Variants in DGKD observed in about 807,000 individuals in gnomAD.
DGKD encodes diacylglycerol kinase delta.
DGKD carries 68 observed loss-of-function variants against 154.4 expected under a neutral mutation model. That is an observed-to-expected ratio of 0.44 (90% confidence interval 0.36 to 0.54). The LOEUF (loss-of-function observed/expected upper bound fraction) is 0.54, where lower values mean the gene tolerates loss of function less well. Among genes scored for constraint, DGKD ranks in the 20% least tolerant of loss-of-function variants. DGKD has a pLI of 0.00. For missense variants in DGKD, 1,343 were observed against 1,593.6 expected, an observed-to-expected ratio of 0.84 and a Z score of 2.68; for synonymous variants, 693 against 638.0, an observed-to-expected ratio of 1.09 and a Z score of -1.30.
chr2:233,430,587 G>A (rs536722156), intron 3 of DGKD, among the ~76,000 whole-genome samples: 15 of 152,134 alleles, frequency 9.9e-5, no homozygotes, highest in Non-Finnish European at 1.9e-4. Flanking sequence ...CAGCCTATGG[G>A]AACCAAGATA....
chr2:233,355,887 CT>C (rs1213476758), intron 1 of DGKD, among the ~76,000 whole-genome samples: 1 of 152,174 alleles, frequency 6.6e-6, no homozygotes, highest in Non-Finnish European at 1.5e-5. Flanking sequence ...TCATCTCCGT[CT>C]TTTGGAATTG....
At position 233,469,435 on chromosome 2, in the gene DGKD, G is replaced by A. The variant is rs767467406; in HGVS notation, c.3620G>A (p.Arg1207His). The change falls in exon 30 of 30, where the codon CGC becomes CAC. Residue 1207 changes from arginine to histidine, a missense_variant. Physicochemically the swap from Arg to His is conservative, Grantham distance 29. Around this residue, in one of 6 missense-constraint regions of DGKD, gnomAD observed 429 missense variants for 496.3 expected, o/e 0.86. Transcript: ENST00000264057. ...RILCGIKELS[R>H]SAPAVEA ...CTGTGTGGCATCAAGGAGCTGAGCC[G>A]CAGCGCCCCCGCCGTCGAGGCCTAG... is the stretch of plus-strand genomic sequence containing the variant. 8.7e-6 allele frequency: 14 copies of A among 1,602,842 alleles called. No homozygotes were observed. Among genetic ancestry groups the A allele is most frequent in the South Asian group, 6.7e-5 (6 of 89,312 alleles).
At chr2:233,461,843 C>T (rs926468082) in intron 24 of DGKD, among the ~76,000 whole-genome samples, 3 of 152,254 alleles carry the variant, frequency 2.0e-5, no homozygotes, top group African/African-American at 7.2e-5. Context: ...CTCCCTGGGA[C>T]CTGGTGTGAC....
In DGKD at chr2:233,460,355, T is replaced by C. The variant is rs1341295822; in HGVS notation, c.2981+10T>C. 1 of 1,613,658 alleles carries C rather than the reference T, an allele frequency of 6.2e-7. No individual in the cohort carries two copies. Among genetic ancestry groups the C allele is most frequent in the Non-Finnish European group, 8.5e-7 (1 of 1,179,812 alleles). The stretch of plus-strand genomic sequence containing the variant: ...GGGTCCTCATTCACAGGTGGGCTCC[T>C]ACCCCTCTGCGTTGCGCATGAGCCT... On this transcript the variant is annotated intron_variant, in intron 24 of 29. Coordinates refer to ENST00000264057, the MANE Select transcript of DGKD (RefSeq NM_152879.3).
At chr2:233,358,133 A>C (rs578247713) in intron 1 of DGKD, among the ~76,000 whole-genome samples, 16 of 152,350 alleles carry the variant, frequency 1.1e-4, no homozygotes, top group African/African-American at 3.6e-4. Flanking sequence ...ACTACAGTAC[A>C]CAGTAATGAC....
chr2:233,398,706 C>T (rs2061484419), intron 3 of DGKD, among the ~76,000 whole-genome samples: 1 of 152,220 alleles, frequency 6.6e-6, no homozygotes, highest in Non-Finnish European at 1.5e-5. Flanking sequence ...CTCACTGCAA[C>T]TTCCACCTTC....
chr2:233,420,092 G>A (rs1003767712), intron 3 of DGKD, among the ~76,000 whole-genome samples: 8 of 152,100 alleles, frequency 5.3e-5, no homozygotes, highest in South Asian at 2.1e-4. Flanking sequence ...CGTGGCAGTC[G>A]GCAGGGGCCT....
At chr2:233,464,306 C>T (rs1045535012) in intron 27 of DGKD, 23 bp downstream of exon 27, 9 of 1,609,936 alleles carry the variant, frequency 5.6e-6, no homozygotes, top group Admixed American at 1.7e-5. Flanking sequence ...TAGGGCTGTG[C>T]CTGGGTCTCC....
chr2:233,457,037 C>A lies in DGKD; in HGVS notation c.2472+42C>A, dbSNP rs2063483147. ...TTGTCACCTGCAGGCTGGCCTCCAT[C>A]CATCAGCAGACTGCCAGGCCTATTG... On this transcript the variant is annotated intron_variant, in intron 20 of 29. Transcript: ENST00000264057. This position sits in a 1 kb window ranked among gnomAD's most constrained non-coding sequence, Gnocchi z 5.5. 2.0e-6 allele frequency: 3 copies of A among 1,516,836 alleles called. No homozygotes were observed. The African/African-American group carries it at 4.1e-5, about 21-fold the overall frequency. 94.0% of individuals were successfully genotyped at this position (1,516,836 alleles called of 1,614,324 possible). A position where few individuals can be genotyped will look rare whatever the true frequency, so the allele number is the denominator to read the frequency against.
intron 1 of DGKD, among the ~76,000 whole-genome samples, chr2:233,360,484 C>T (rs1032292740): frequency 1.3e-5 from 2 of 152,100 alleles, no homozygotes; most frequent in Admixed American, 6.5e-5. Flanking sequence ...TCTCAAACTC[C>T]TGGGCTCAAG....
intron 3 of DGKD, among the ~76,000 whole-genome samples, chr2:233,400,735 C>T (rs748693067): frequency 3.9e-5 from 6 of 152,180 alleles, no homozygotes; most frequent in Non-Finnish European, 7.3e-5. Flanking sequence ...GCTGCTTGCA[C>T]AGCTGGAGGG....
intron 3 of DGKD, among the ~76,000 whole-genome samples, chr2:233,432,132 C>T (rs2062535555): frequency 6.9e-6 from 1 of 144,862 alleles, no homozygotes; most frequent in African/African-American, 2.9e-5. Context: ...TGGCTCATGC[C>T]TGTAATCCCA....
chr2:233,394,690 CCTTTTTTTTTTTTTTTTTT>C (rs1416982070), intron 3 of DGKD, among the ~76,000 whole-genome samples: 4 of 83,258 alleles, frequency 4.8e-5, no homozygotes, highest in African/African-American at 1.8e-4. Flanking sequence ...AATTTAATTC[CCTTTTTTTTTTTTTTTTTT>C]TTTTTTTTTT....
intron 1 of DGKD, among the ~76,000 whole-genome samples, chr2:233,363,358 A>G (rs1017220784): frequency 6.6e-6 from 1 of 152,206 alleles, no homozygotes; most frequent in Non-Finnish European, 1.5e-5. Flanking sequence ...AATTAAAAAT[A>G]GAAAAAAGGT....
chr2:233,422,595 C>G (rs999497563), intron 3 of DGKD, among the ~76,000 whole-genome samples: 1 of 152,218 alleles, frequency 6.6e-6, no homozygotes, highest in Non-Finnish European at 1.5e-5. Flanking sequence ...ATGGGTTGCA[C>G]TAACTACAAA....
intron 12 of DGKD, 151 bp downstream of exon 12, chr2:233,446,947 T>G: frequency 1.1e-6 from 1 of 882,258 alleles, no homozygotes; most frequent in Non-Finnish European, 1.7e-6. Flanking sequence ...GGTGAACCCA[T>G]GGCTGAGAGG....
chr2:233,368,926 C>T (rs997153568), intron 1 of DGKD, among the ~76,000 whole-genome samples: 4 of 152,150 alleles, frequency 2.6e-5, no homozygotes, highest in African/African-American at 9.7e-5. Context: ...GTCCTGTGGC[C>T]GAGGCTGCCA....
chr2:233,445,575 C>A lies in DGKD; in HGVS notation c.1195-48C>A, dbSNP rs1000244544. The A allele has an allele frequency of 5.2e-6, 8 of 1,539,820 alleles. No individual in the cohort carries two copies. Among genetic ancestry groups the A allele is most frequent in the Non-Finnish European group, 7.0e-6 (8 of 1,141,388 alleles). On this transcript the variant is annotated intron_variant, in intron 10 of 29. Coordinates refer to ENST00000264057, the MANE Select transcript of DGKD (RefSeq NM_152879.3). This position sits in a 1 kb window ranked among gnomAD's most constrained non-coding sequence, Gnocchi z 5.5. Reference sequence around the variant, plus strand: ...GGAGGGCTGCGGGCTGGGAAGTGGCCCCTGCCCCCAGGTGTTTGCCTGCGC... The same window carrying A: ...GGAGGGCTGCGGGCTGGGAAGTGGCACCTGCCCCCAGGTGTTTGCCTGCGC...
At chr2:233,411,033 A>G (rs556675829) in intron 3 of DGKD, among the ~76,000 whole-genome samples, 1 of 151,612 alleles carries the variant, frequency 6.6e-6, no homozygotes, top group South Asian at 2.1e-4. Flanking sequence ...TGGTTTTGAG[A>G]TTTTTCATGT....
Sources: gnomAD v4.1 joint callset for allele counts (sites outside exome capture counted in the v4.1 genomes callset) on GRCh38, gnomAD v4.1.1 for gene constraint, gnomAD v4.1.1 regional missense constraint, Gnocchi (gnomAD v3.1) non-coding constraint, MANE v1.5 for transcripts, NCBI Gene and HGNC (gene_info 2026-07-23, HGNC 2026-07-21) for gene names.